The following STMN2 variants were observed in gnomAD, a reference collection of about 807,000 sequenced individuals.
STMN2 encodes stathmin-2.
STMN2 carries 2 observed loss-of-function variants against 24.1 expected under a neutral mutation model. The ratio of observed to expected loss-of-function variants is 0.08; its 90% confidence interval spans 0.03 to 0.26. STMN2 has a LOEUF of 0.26. Among genes scored for constraint, STMN2 ranks in the 10% least tolerant of loss-of-function variants. The pLI, the probability that STMN2 is intolerant of heterozygous loss-of-function variation, is 1.00. For synonymous variants in STMN2, 83 were observed against 77.5 expected, an observed-to-expected ratio of 1.07 and a Z score of -0.37; for missense variants, 114 against 213.6, an observed-to-expected ratio of 0.53 and a Z score of 2.91.
intron 4 of STMN2, among the ~76,000 whole-genome samples, chr8:79,661,149 C>A (rs1053724155): frequency 1.9e-4 from 29 of 152,166 alleles, no homozygotes; most frequent in Non-Finnish European, 2.8e-4. Context: ...TACTTCTTTT[C>A]CTTTGGGTAG....
At chr8:79,616,615 G>A (rs541717154) in intron 1 of STMN2, among the ~76,000 whole-genome samples, 1 of 152,292 alleles carries the variant, frequency 6.6e-6, no homozygotes, top group East Asian at 1.9e-4. Context: ...AAACACATCA[G>A]TTTTAGGGAT....
chr8:79,628,857 T>C (rs1322471190), intron 1 of STMN2, among the ~76,000 whole-genome samples: 2 of 152,184 alleles, frequency 1.3e-5, no homozygotes, highest in East Asian at 3.9e-4. Context: ...AACTGGATGA[T>C]ACAAAACTGG....
At chr8:79,655,653 A>C (rs1372249947) in intron 4 of STMN2, among the ~76,000 whole-genome samples, 1 of 152,004 alleles carries the variant, frequency 6.6e-6, no homozygotes, top group Non-Finnish European at 1.5e-5. Context: ...AACAACCTAA[A>C]CATATATTCA....
At chr8:79,641,628 GCA>G (rs61386841) in intron 3 of STMN2, 78 bp downstream of exon 3, 34,296 of 427,686 alleles carry the variant, frequency 0.08, 445 homozygotes, top group East Asian at 0.2. Flanking sequence ...ACACATGCAC[GCA>G]CACACACACA....
chr8:79,613,828 T>G (rs1809311227), intron 1 of STMN2: 1 of 985,374 alleles, frequency 1.0e-6, no homozygotes, highest in Non-Finnish European at 1.2e-6. Flanking sequence ...GCCAGGATTA[T>G]GTATGTTCAT....
At chr8:79,637,023 G>T (rs181623495) in intron 2 of STMN2, 126 bp downstream of exon 2, 1 of 852,090 alleles carries the variant, frequency 1.2e-6, no homozygotes, top group Admixed American at 2.4e-5. Context: ...TTGACTTGCC[G>T]TGTCTAGCTA....
chr8:79,636,887 T>C lies in STMN2; in HGVS notation c.105T>C (p.Tyr35=), dbSNP rs1809975423. Residue 35 remains tyrosine, a synonymous_variant, in exon 2 of 5, where the codon TAT becomes TAC. Coordinates refer to ENST00000220876, the MANE Select transcript of STMN2 (RefSeq NM_007029.4). ...FYPEPRNINI[Y]TYDDMEVKQI... ...CGGAACCTCGCAACATCAACATCTA[T>C]ACTTACGATGGTGAGTAACCTAGGA... is the stretch of plus-strand genomic sequence containing the variant. The C allele has an allele frequency of 1.2e-6, 2 of 1,613,258 alleles. No individual in the cohort carries two copies. The highest frequency in any genetic ancestry group is 1.7e-6 in the Non-Finnish European group (2 of 1,179,380).
chr8:79,638,245 G>C (rs1056129924), intron 2 of STMN2, among the ~76,000 whole-genome samples: 1 of 152,196 alleles, frequency 6.6e-6, no homozygotes, highest in African/African-American at 2.4e-5. Flanking sequence ...CAAATGACTA[G>C]AATGTAGAAC....
intron 3 of STMN2, among the ~76,000 whole-genome samples, chr8:79,650,482 C>G (rs1170746194): frequency 6.6e-6 from 1 of 152,156 alleles, no homozygotes; most frequent in Admixed American, 6.5e-5. Context: ...TGTTTTAGTG[C>G]AGTTTTCTGG....
At chr8:79,624,324 G>A (rs1809593681) in intron 1 of STMN2, among the ~76,000 whole-genome samples, 1 of 151,648 alleles carries the variant, frequency 6.6e-6, no homozygotes, top group Non-Finnish European at 1.5e-5. Context: ...TGTGGTGGCG[G>A]GTGCCTGTAG....
intron 3 of STMN2, 66 bp from the exon 4 acceptor site, chr8:79,654,805 G>A: frequency 2.0e-6 from 3 of 1,531,340 alleles, no homozygotes. Context: ...CCTCCAATTG[G>A]TGGGCCGTTA....
At chr8:79,623,986 T>G (rs1023429456) in intron 1 of STMN2, among the ~76,000 whole-genome samples, 4 of 152,212 alleles carry the variant, frequency 2.6e-5, no homozygotes, top group Non-Finnish European at 4.4e-5. Flanking sequence ...GTATTTAGGA[T>G]GAAAAGTTTT....
At chr8:79,663,095 T>C (rs766650747) in intron 4 of STMN2, among the ~76,000 whole-genome samples, 5 of 152,150 alleles carry the variant, frequency 3.3e-5, no homozygotes, top group Admixed American at 1.3e-4. Flanking sequence ...TTAAATAAAA[T>C]TGTTTTTAAT....
intron 4 of STMN2, among the ~76,000 whole-genome samples, chr8:79,658,656 CTG>C (rs1238180380): frequency 2.6e-5 from 4 of 152,216 alleles, no homozygotes; most frequent in African/African-American, 9.6e-5. Flanking sequence ...TGATACAACT[CTG>C]TGCAAGCTTT....
chr8:79,638,589 A>C (rs1430012979), intron 2 of STMN2, among the ~76,000 whole-genome samples: 2 of 152,174 alleles, frequency 1.3e-5, no homozygotes, highest in African/African-American at 4.8e-5. Flanking sequence ...TTATAACAAT[A>C]AATTATTATT....
intron 1 of STMN2, among the ~76,000 whole-genome samples, chr8:79,615,326 C>T (rs1391791279): frequency 2.6e-5 from 4 of 152,178 alleles, no homozygotes; most frequent in Non-Finnish European, 4.4e-5. Flanking sequence ...AAAAAGCTGG[C>T]CTCCGAGCAG....
At chr8:79,627,886 T>C (rs1224721372) in intron 1 of STMN2, among the ~76,000 whole-genome samples, 1 of 152,216 alleles carries the variant, frequency 6.6e-6, no homozygotes, top group African/African-American at 2.4e-5. Flanking sequence ...CTTATTTCAC[T>C]TGACATAATG....
At chr8:79,660,835 C>T (rs1806486581) in intron 4 of STMN2, among the ~76,000 whole-genome samples, 1 of 151,902 alleles carries the variant, frequency 6.6e-6, no homozygotes, top group Non-Finnish European at 1.5e-5. Flanking sequence ...CTCTAAAGTC[C>T]ATTATATCAC....
intron 1 of STMN2, among the ~76,000 whole-genome samples, chr8:79,625,002 A>G (rs1809617805): frequency 6.6e-6 from 1 of 152,160 alleles, no homozygotes; most frequent in Admixed American, 6.5e-5. Context: ...TTTTTACAGC[A>G]CTTTGAGACA....
Sources: allele counts gnomAD v4.1 joint callset (sites outside exome capture counted in the v4.1 genomes callset), GRCh38; gene constraint gnomAD v4.1.1; transcripts MANE v1.5; gene names NCBI Gene and HGNC (gene_info 2026-07-23, HGNC 2026-07-21).